Variants in LARP1B observed in about 807,000 individuals in gnomAD.
LARP1B encodes la-related protein 1B.
A neutral mutation model predicts 114.2 loss-of-function variants in LARP1B; 76 were observed. The ratio of observed to expected loss-of-function variants is 0.67; its 90% confidence interval spans 0.55 to 0.81. LARP1B has a LOEUF of 0.81. Among genes scored for constraint, LARP1B ranks in the 30% least tolerant of loss-of-function variants. The pLI is 0.00. For synonymous variants in LARP1B, 345 were observed against 348.0 expected (o/e 0.99, Z 0.10); for missense variants, 1,014 against 1,075.8 (o/e 0.94, Z 0.80).
At chr4:128,116,789 A>G (rs1032380763) in intron 10 of LARP1B, among the ~76,000 whole-genome samples, 1 of 151,964 alleles carries the variant, frequency 6.6e-6, no homozygotes, top group African/African-American at 2.4e-5. Context: ...GGGTATACAG[A>G]TCTTTGTTGG....
At chr4:128,061,903 G>T in intron 1 of LARP1B, 2 of 985,208 alleles carry the variant, frequency 2.0e-6, no homozygotes, top group Non-Finnish European at 2.4e-6. Context: ...CGGCGCTGGT[G>T]CTGGGACGCA....
intron 5 of LARP1B, 75 bp from the exon 6 acceptor site, chr4:128,090,926 T>C (rs1775687384): frequency 8.6e-7 from 1 of 1,167,316 alleles, no homozygotes; most frequent in African/African-American, 1.6e-5. Flanking sequence ...AGGTGGCTAT[T>C]ATGTTTTCAT....
chr4:128,163,329 A>C (rs1739335493), intron 12 of LARP1B, among the ~76,000 whole-genome samples: 1 of 152,180 alleles, frequency 6.6e-6, no homozygotes, highest in Non-Finnish European at 1.5e-5. Flanking sequence ...TTAGTTCAGC[A>C]TAGAGACTTG....
At chr4:128,118,280 G>A (rs1364669837) in intron 10 of LARP1B, among the ~76,000 whole-genome samples, 1 of 142,948 alleles carries the variant, frequency 7.0e-6, no homozygotes, top group Admixed American at 7.2e-5. Context: ...TCACTAGGCT[G>A]GAGTGCAGTG....
At chr4:128,072,652 A>G (rs771432040) in intron 1 of LARP1B, among the ~76,000 whole-genome samples, 1 of 151,602 alleles carries the variant, frequency 6.6e-6, no homozygotes, top group Non-Finnish European at 1.5e-5. Context: ...CACCTCCTGG[A>G]TTCAAGTGAT....
In LARP1B at chr4:128,091,401, C is replaced by T; in HGVS notation, c.557C>T (p.Pro186Leu). 1 of 1,612,188 alleles carries T rather than the reference C, an allele frequency of 6.2e-7. No individual in the cohort carries two copies. The highest frequency in any genetic ancestry group is 8.5e-7 in the Non-Finnish European group (1 of 1,178,440). Residue 186 changes from proline to leucine, a missense_variant, in exon 7 of 20, where the codon CCA becomes CTA. Physicochemically the swap from Pro to Leu is moderately conservative, Grantham distance 98. Transcript: ENST00000326639. ...GAACATGGTGAAAGGACTGATCAAC[C>T]ATTTCAAACAGAACTTAATACCAGT... Reference protein sequence around the residue: ...YQEHGERTDQPFQTELNTSMM... With the variant: ...YQEHGERTDQLFQTELNTSMM...
chr4:128,162,921 C>G (rs1739120697), intron 12 of LARP1B, among the ~76,000 whole-genome samples: 1 of 152,102 alleles, frequency 6.6e-6, no homozygotes, highest in Non-Finnish European at 1.5e-5. Flanking sequence ...TATTTTTAAA[C>G]AAATTCTCAA....
chr4:128,178,045 T>G (rs1189282178), intron 13 of LARP1B, among the ~76,000 whole-genome samples: 3 of 148,738 alleles, frequency 2.0e-5, no homozygotes, highest in Non-Finnish European at 3.0e-5. Flanking sequence ...GATATATATA[T>G]ATATATATAT....
At chr4:128,135,401 C>G (rs993816337) in intron 11 of LARP1B, among the ~76,000 whole-genome samples, 2 of 152,076 alleles carry the variant, frequency 1.3e-5, no homozygotes, top group African/African-American at 4.8e-5. Context: ...ATCATGTTAT[C>G]CAGCAATACC....
intron 11 of LARP1B, among the ~76,000 whole-genome samples, chr4:128,141,535 T>C (rs897333704): frequency 6.6e-6 from 1 of 152,180 alleles, no homozygotes; most frequent in African/African-American, 2.4e-5. Flanking sequence ...TCACTTAATC[T>C]CATCGTTAGG....
chr4:128,203,330 C>A, intron 17 of LARP1B, among the ~76,000 whole-genome samples: 1 of 135,256 alleles, frequency 7.4e-6, no homozygotes, highest in African/African-American at 2.6e-5. Context: ...TCCCTCCCTC[C>A]CTCCCTCCCT....
intron 1 of LARP1B, chr4:128,069,662 T>C: frequency 1.9e-6 from 1 of 540,498 alleles, no homozygotes; most frequent in Non-Finnish European, 3.3e-6. Flanking sequence ...CGGATTCTTT[T>C]ATTAAAATCA....
At chr4:128,124,951 T>C (rs893881217) in intron 11 of LARP1B, among the ~76,000 whole-genome samples, 2 of 152,224 alleles carry the variant, frequency 1.3e-5, no homozygotes, top group African/African-American at 4.8e-5. Context: ...GTACTCATTT[T>C]TGACCTCTGC....
At chr4:128,186,466 A>G (rs1376510685) in intron 15 of LARP1B, among the ~76,000 whole-genome samples, 6 of 152,102 alleles carry the variant, frequency 3.9e-5, no homozygotes, top group African/African-American at 1.4e-4. Context: ...CTTTTGGCAT[A>G]TATAAATGCT....
chr4:128,198,009 C>T (rs1352598157), intron 15 of LARP1B, among the ~76,000 whole-genome samples: 1 of 151,252 alleles, frequency 6.6e-6, no homozygotes, highest in Admixed American at 6.6e-5. Context: ...CTCAGCCTCC[C>T]GAGTAGCTGG....
At chr4:128,164,056 A>G (rs1377516666) in intron 12 of LARP1B, among the ~76,000 whole-genome samples, 1 of 152,092 alleles carries the variant, frequency 6.6e-6, no homozygotes, top group African/African-American at 2.4e-5. Context: ...ATTTAAGATT[A>G]TAGGTTTTAA....
intron 4 of LARP1B, among the ~76,000 whole-genome samples, chr4:128,078,493 C>T (rs1309660298): frequency 6.6e-6 from 1 of 150,936 alleles, no homozygotes. Flanking sequence ...CCCAGCTACT[C>T]GGGAGGCTGA....
At chr4:128,101,374 G>A (rs1780262194) in intron 8 of LARP1B, among the ~76,000 whole-genome samples, 1 of 151,538 alleles carries the variant, frequency 6.6e-6, no homozygotes, top group Non-Finnish European at 1.5e-5. Context: ...GGGAGGCTGA[G>A]ACAGGAGAAT....
chr4:128,177,300 T>A (rs777828407), intron 13 of LARP1B, among the ~76,000 whole-genome samples: 20 of 152,174 alleles, frequency 1.3e-4, no homozygotes, highest in Non-Finnish European at 2.8e-4. Flanking sequence ...AATTCGTGCC[T>A]AGAATAGTGC....
Sources: gnomAD v4.1 joint callset for allele counts (sites outside exome capture counted in the v4.1 genomes callset) on GRCh38, gnomAD v4.1.1 for gene constraint, MANE v1.5 for transcripts, NCBI Gene and HGNC (gene_info 2026-07-23, HGNC 2026-07-21) for gene names.